The following CDH4 variants were observed in gnomAD, a reference collection of about 807,000 sequenced individuals.
CDH4 encodes the protein cadherin-4.
A neutral mutation model predicts 86.0 loss-of-function variants in CDH4; 33 were observed. That is an observed-to-expected ratio of 0.38 (90% CI 0.29 to 0.51). CDH4 has a LOEUF of 0.51. Among genes scored for constraint, CDH4 ranks in the 20% least tolerant of loss-of-function variants. The pLI is 0.86. For synonymous variants in CDH4, 555 were observed against 549.4 expected (o/e 1.01, Z -0.14); for missense variants, 1,114 against 1,307.4 (o/e 0.85, Z 2.28).
At chr20:61,813,740 C>T (rs1980560962) in intron 4 of CDH4, among the ~76,000 whole-genome samples, 1 of 152,146 alleles carries the variant, frequency 6.6e-6, no homozygotes, top group Non-Finnish European at 1.5e-5. Context: ...CACCTTGTTC[C>T]CTTTCCCTCG....
chr20:61,624,647 A>T (rs929966853), intron 2 of CDH4, among the ~76,000 whole-genome samples: 1 of 152,242 alleles, frequency 6.6e-6, no homozygotes, highest in Non-Finnish European at 1.5e-5. Flanking sequence ...AGAGGAAAAG[A>T]CAAAGTCAAC....
intron 2 of CDH4, among the ~76,000 whole-genome samples, chr20:61,523,659 C>T (rs1184173908): frequency 3.3e-5 from 5 of 152,188 alleles, no homozygotes; most frequent in Admixed American, 6.5e-5. Flanking sequence ...TCCTGGGGGA[C>T]GGATGGCCAC....
intron 2 of CDH4, among the ~76,000 whole-genome samples, chr20:61,538,364 G>A (rs1275978973): frequency 3.9e-5 from 6 of 152,204 alleles, no homozygotes; most frequent in East Asian, 3.9e-4. Context: ...GAGAGGAATC[G>A]CATCAAGTCA....
intron 2 of CDH4, among the ~76,000 whole-genome samples, chr20:61,326,432 G>A (rs894778671): frequency 2.6e-5 from 4 of 152,180 alleles, no homozygotes; most frequent in African/African-American, 7.2e-5. Context: ...GAAATCCTCC[G>A]ATAGTCTAGC....
rs369436133 is a variant in CDH4 at position 61,815,916 on chromosome 20, C to T, written c.577-28752C>T. ...CTCCGTGAGCCGCAATGCCCGCGTT[C>T]ATTTGTTAAAGCTTCCACTTCTCTC... On this transcript the variant is annotated intron_variant, in intron 4 of 15. Transcript: ENST00000614565. Among the ~76,000 whole-genome samples, 28 of 152,332 alleles carry T rather than the reference C, an allele frequency of 1.8e-4. No individual in the cohort carries two copies. The South Asian group carries it at 3.3e-3, about 18-fold the overall frequency.
At chr20:61,460,179 G>A (rs745941467) in intron 2 of CDH4, among the ~76,000 whole-genome samples, 24 of 152,242 alleles carry the variant, frequency 1.6e-4, no homozygotes, top group Non-Finnish European at 2.5e-4. Flanking sequence ...CTTTGCCCTC[G>A]GCTAGCACAT....
chr20:61,760,176 G>T (rs1360994877), intron 3 of CDH4, among the ~76,000 whole-genome samples: 1 of 152,192 alleles, frequency 6.6e-6, no homozygotes, highest in African/African-American at 2.4e-5. Context: ...GTAGGGGGAG[G>T]GGGTGGGTGG....
At chr20:61,458,084 A>G (rs2085419223) in intron 2 of CDH4, among the ~76,000 whole-genome samples, 2 of 147,748 alleles carry the variant, frequency 1.4e-5, no homozygotes, top group African/African-American at 5.0e-5. Context: ...TGGTAGTCAT[A>G]TCATGGTGAT....
intron 2 of CDH4, among the ~76,000 whole-genome samples, chr20:61,522,930 G>C (rs1347468426): frequency 2.0e-5 from 3 of 152,250 alleles, no homozygotes; most frequent in Non-Finnish European, 2.9e-5. Context: ...AGCACACAAA[G>C]CTGCCGACAC....
chr20:61,717,544 G>C (rs1282078176), intron 2 of CDH4: 1 of 152,244 alleles, frequency 6.6e-6, no homozygotes, highest in Non-Finnish European at 1.5e-5. Flanking sequence ...CTGGAGTGCA[G>C]TGGTGCGATC....
intron 2 of CDH4, among the ~76,000 whole-genome samples, chr20:61,643,721 G>A (rs1302479842): frequency 6.6e-6 from 1 of 152,236 alleles, no homozygotes; most frequent in African/African-American, 2.4e-5. Context: ...GATCAGCAAT[G>A]CTGTACACAG....
chr20:61,903,121 T>C (rs1776242), intron 8 of CDH4, among the ~76,000 whole-genome samples: 144,785 of 152,300 alleles, frequency 0.95, 68,863 homozygotes, highest in East Asian at 1. Context: ...TTGTTCATTA[T>C]GTTTGCACAT....
rs532961373 is a variant in CDH4, at chr20:61,885,988, G to A, written c.1051-8922G>A. Among the ~76,000 whole-genome samples, 11 of 152,372 alleles carry A rather than the reference G, an allele frequency of 7.2e-5. No homozygotes were observed. In the South Asian group the frequency reaches 1.7e-3, roughly 23 times the overall value. On this transcript the variant is annotated intron_variant, in intron 7 of 15. Transcript: ENST00000614565. ...AGAAGCTCCCAGAGCAGCAGCCGCC[G>A]TCGTGCTGGGACTGGCTCTGGCTCA...
chr20:61,777,725 C>T (rs901338632), intron 4 of CDH4, among the ~76,000 whole-genome samples: 2 of 147,876 alleles, frequency 1.4e-5, no homozygotes, highest in South Asian at 4.3e-4. Flanking sequence ...CATGCGTGCA[C>T]ACGTGCATAC....
At chr20:61,360,398 G>A (rs1426226304) in intron 2 of CDH4, among the ~76,000 whole-genome samples, 1 of 152,216 alleles carries the variant, frequency 6.6e-6, no homozygotes, top group Non-Finnish European at 1.5e-5. Context: ...GCCGCGGTCA[G>A]GATCCCGGGT....
chr20:61,362,644 G>T (rs1045166782), intron 2 of CDH4, among the ~76,000 whole-genome samples: 5 of 152,132 alleles, frequency 3.3e-5, no homozygotes, highest in African/African-American at 1.2e-4. Context: ...GGGTCAGGAT[G>T]GGGGAGCAAA....
chr20:61,561,282 G>T (rs1236074081), intron 2 of CDH4, among the ~76,000 whole-genome samples: 1 of 152,254 alleles, frequency 6.6e-6, no homozygotes, highest in African/African-American at 2.4e-5. Flanking sequence ...GAGCCAGAGG[G>T]CCTGCCAGAT....
intron 2 of CDH4, among the ~76,000 whole-genome samples, chr20:61,503,447 G>C (rs2085718981): frequency 6.6e-6 from 1 of 152,200 alleles, no homozygotes; most frequent in South Asian, 2.1e-4. Context: ...AATTTCTTTT[G>C]AAAAAGCAAC....
At chr20:61,707,234 C>G (rs2087841503) in intron 2 of CDH4, among the ~76,000 whole-genome samples, 1 of 152,252 alleles carries the variant, frequency 6.6e-6, no homozygotes, top group Non-Finnish European at 1.5e-5. Flanking sequence ...GTCTTCCCAC[C>G]TGGTGCCCAG....
Sources: allele counts gnomAD v4.1 joint callset (sites outside exome capture counted in the v4.1 genomes callset), GRCh38; gene constraint gnomAD v4.1.1; transcripts MANE v1.5; gene names NCBI Gene and HGNC (gene_info 2026-07-23, HGNC 2026-07-21).